Variants in BCL9 observed in about 807,000 individuals in gnomAD.
BCL9 encodes the protein BCL9 transcription coactivator, also known as B-cell CLL/lymphoma 9 protein.
In BCL9, 25 loss-of-function variants were observed where a neutral mutation model predicts 88.5. The ratio of observed to expected loss-of-function variants is 0.28; its 90% confidence interval spans 0.21 to 0.39. The LOEUF (loss-of-function observed/expected upper bound fraction) is 0.39, where lower values mean the gene tolerates loss of function less well. Among genes scored for constraint, BCL9 ranks in the 10% least tolerant of loss-of-function variants. The pLI, the probability that BCL9 is intolerant of heterozygous loss-of-function variation, is 1.00. For missense variants in BCL9, 1,817 were observed against 1,877.8 expected (o/e 0.97, Z 0.60); for synonymous variants, 711 against 673.3 (o/e 1.06, Z -0.87).
At chr1:147,599,808 T>C (rs1292720097) in intron 1 of BCL9, among the ~76,000 whole-genome samples, 6 of 107,328 alleles carry the variant, frequency 5.6e-5, no homozygotes, top group Non-Finnish European at 9.7e-5. Flanking sequence ...GGCTGCCTGG[T>C]GGGCAGGGCC....
intron 1 of BCL9, among the ~76,000 whole-genome samples, chr1:147,564,232 C>A (rs1222813447): frequency 6.6e-6 from 1 of 152,056 alleles, no homozygotes; most frequent in African/African-American, 2.4e-5. Flanking sequence ...AAACCCCTGG[C>A]ACATTGTGGG....
intron 1 of BCL9, among the ~76,000 whole-genome samples, chr1:147,576,949 G>A (rs1236741825): frequency 6.6e-6 from 1 of 152,090 alleles, no homozygotes; most frequent in Non-Finnish European, 1.5e-5. Flanking sequence ...GATATAAAAG[G>A]TACCATCATT....
intron 1 of BCL9, among the ~76,000 whole-genome samples, chr1:147,570,274 A>G (rs1655819304): frequency 6.6e-6 from 1 of 152,198 alleles, no homozygotes; most frequent in Admixed American, 6.5e-5. Flanking sequence ...ATATTTAATG[A>G]AAAGGTGGAA....
At chr1:147,602,191 C>T (rs890191238) in intron 1 of BCL9, among the ~76,000 whole-genome samples, 3 of 145,960 alleles carry the variant, frequency 2.1e-5, no homozygotes, top group East Asian at 2.1e-4. Flanking sequence ...TGTTAGCCAC[C>T]GCGCCCGGCT....
In BCL9 at chr1:147,545,178, A is replaced by T. The variant is rs587648612; in HGVS notation, c.-478+3504A>T. Among the ~76,000 whole-genome samples the T allele has an allele frequency of 4.3e-4, 65 of 152,308 alleles. 3 individuals carry two copies. The South Asian group carries it at 0.013, about 31-fold the overall frequency. On this transcript the variant is annotated intron_variant, in intron 1 of 9. Coordinates refer to ENST00000234739, the MANE Select transcript of BCL9 (RefSeq NM_004326.4). ...TCATTTCTACATACCCAGCATTGTT[A>T]CACAGGGATGTGCCCAGCCCACATT...
At position 147,625,059 on chromosome 1, in the gene BCL9, A is replaced by G. The variant is rs1411039764; in HGVS notation, c.*100A>G. On this transcript the variant is annotated 3_prime_UTR_variant, in exon 10 of 10. Transcript: ENST00000234739. ...AGGAGTACTTACTATTGGTCATGCAATAGGAGAACAGAGACCCGAGGGCTG... is the reference window on the plus strand; with the variant it reads ...AGGAGTACTTACTATTGGTCATGCAGTAGGAGAACAGAGACCCGAGGGCTG... The G allele has an allele frequency of 1.9e-5, 27 of 1,440,726 alleles. No individual in the cohort carries two copies. Among genetic ancestry groups the G allele is most frequent in the East Asian group, 2.4e-5 (1 of 42,346 alleles). 89.2% of individuals were successfully genotyped at this position (1,440,726 alleles called of 1,614,324 possible). A position where few individuals can be genotyped will look rare whatever the true frequency, so the allele number is the denominator to read the frequency against.
chr1:147,602,764 G>C (rs1164454379), intron 1 of BCL9, among the ~76,000 whole-genome samples: 1 of 152,190 alleles, frequency 6.6e-6, no homozygotes, highest in African/African-American at 2.4e-5. Flanking sequence ...TGCTTCCTCA[G>C]AAGTGTCTGC....
chr1:147,569,508 G>C (rs1655779927), intron 1 of BCL9, among the ~76,000 whole-genome samples: 1 of 141,566 alleles, frequency 7.1e-6, no homozygotes, highest in East Asian at 2.1e-4. Flanking sequence ...AAATCAGCCA[G>C]GTGTGGTGGC....
intron 1 of BCL9, among the ~76,000 whole-genome samples, chr1:147,542,649 G>A (rs183085904): frequency 2.0e-5 from 3 of 148,298 alleles, no homozygotes; most frequent in Non-Finnish European, 4.5e-5. Context: ...AAAAAGCCTT[G>A]TTCCACCTGT....
intron 4 of BCL9, among the ~76,000 whole-genome samples, chr1:147,612,261 C>T (rs1312373494): frequency 2.0e-5 from 3 of 152,158 alleles, no homozygotes; most frequent in Admixed American, 2.0e-4. Context: ...CGTTATTCCC[C>T]GGACTCCCAC....
chr1:147,555,759 A>G (rs1445074250), intron 1 of BCL9, among the ~76,000 whole-genome samples: 1 of 152,182 alleles, frequency 6.6e-6, no homozygotes, highest in Non-Finnish European at 1.5e-5. Context: ...TTGTGGGGCA[A>G]TCAGATTTTC....
intron 1 of BCL9, among the ~76,000 whole-genome samples, chr1:147,552,614 A>AAAAC (rs1156773775): frequency 4.6e-5 from 7 of 152,240 alleles, no homozygotes; most frequent in Non-Finnish European, 8.8e-5. Context: ...CTCAAAAAAT[A>AAAAC]AAACAAACAA....
rs782121300 is a variant in BCL9, at chr1:147,613,142, G to A, written c.313G>A (p.Ala105Thr). 11 of 1,614,056 alleles carry A rather than the reference G, an allele frequency of 6.8e-6. No individual in the cohort carries two copies. The highest frequency in any genetic ancestry group is 2.2e-5 in the South Asian group (2 of 91,086). Reference protein sequence around the residue: ...GKGKRERSISADSFDQRDPGT... With the variant: ...GKGKRERSISTDSFDQRDPGT... Reference sequence around the variant, plus strand: ...GGGGAAAAGGGAGCGAAGTATTTCCGCCGACTCCTTTGATCAGAGAGATCC... The same window carrying A: ...GGGGAAAAGGGAGCGAAGTATTTCCACCGACTCCTTTGATCAGAGAGATCC... Residue 105 changes from alanine to threonine, a missense_variant, in exon 5 of 10, where the codon GCC becomes ACC. Ala to Thr is a moderately conservative substitution (Grantham distance 58). This residue lies in a region of BCL9 where 1,228 missense variants were observed against 1,191.6 expected (regional missense o/e 1.03). Coordinates refer to ENST00000234739, the MANE Select transcript of BCL9 (RefSeq NM_004326.4).
intron 1 of BCL9, among the ~76,000 whole-genome samples, chr1:147,559,972 C>CT (rs1655302075): frequency 6.6e-6 from 1 of 152,174 alleles, no homozygotes; most frequent in Non-Finnish European, 1.5e-5. Flanking sequence ...CTCTTGGAAA[C>CT]CAGAGTTTGA....
At chr1:147,606,384 G>A (rs1280381224) in intron 2 of BCL9, among the ~76,000 whole-genome samples, 3 of 152,138 alleles carry the variant, frequency 2.0e-5, no homozygotes, top group Non-Finnish European at 4.4e-5. Context: ...AGACATATCT[G>A]GAATTTTGTC....
chr1:147,596,708 T>C (rs990107217), intron 1 of BCL9, among the ~76,000 whole-genome samples: 13 of 152,188 alleles, frequency 8.5e-5, no homozygotes, highest in Admixed American at 8.5e-4. Flanking sequence ...CCACCGCGCC[T>C]GGCCGAGATT....
At chr1:147,567,802 T>C (rs1655676148) in intron 1 of BCL9, among the ~76,000 whole-genome samples, 1 of 151,892 alleles carries the variant, frequency 6.6e-6, no homozygotes, top group African/African-American at 2.4e-5. Flanking sequence ...GGAACCAATC[T>C]CTCCTTCCTT....
chr1:147,554,650 A>G (rs1655026331), intron 1 of BCL9, among the ~76,000 whole-genome samples: 1 of 152,190 alleles, frequency 6.6e-6, no homozygotes, highest in African/African-American at 2.4e-5. Context: ...TGAGAAGTCC[A>G]CAGAATTTGG....
At chr1:147,558,549 A>G (rs1655223452) in intron 1 of BCL9, among the ~76,000 whole-genome samples, 1 of 152,094 alleles carries the variant, frequency 6.6e-6, no homozygotes, top group African/African-American at 2.4e-5. Context: ...CGCTCTGTGG[A>G]AGCACAAGTG....
Sources: gnomAD v4.1 joint callset for allele counts (sites outside exome capture counted in the v4.1 genomes callset) on GRCh38, gnomAD v4.1.1 for gene constraint, gnomAD v4.1.1 regional missense constraint, MANE v1.5 for transcripts, NCBI Gene and HGNC (gene_info 2026-07-23, HGNC 2026-07-21) for gene names.